The following NEDD4L variants were observed in gnomAD, a reference collection of about 807,000 sequenced individuals.
NEDD4L encodes NEDD4 like E3 ubiquitin protein ligase, also known as E3 ubiquitin-protein ligase NEDD4-like.
Under a neutral mutation model 148.9 loss-of-function variants are expected in NEDD4L, and 54 were observed. That is an observed-to-expected ratio of 0.36 (90% CI 0.29 to 0.45). The LOEUF (loss-of-function observed/expected upper bound fraction) is 0.45. NEDD4L is among the 20% of genes least tolerant of loss of function. The pLI is 1.00. For missense variants in NEDD4L, 856 were observed against 1,233.8 expected (o/e 0.69, Z 4.59); for synonymous variants, 433 against 440.7 (o/e 0.98, Z 0.22).
intron 1 of NEDD4L, among the ~76,000 whole-genome samples, chr18:58,084,718 A>G (rs2083666287): frequency 1.2e-5 from 1 of 80,440 alleles, no homozygotes. Context: ...TGTTTGAGAC[A>G]GGGTCTTCCT....
At chr18:58,065,521 A>T (rs1214916212) in intron 1 of NEDD4L, among the ~76,000 whole-genome samples, 1 of 152,236 alleles carries the variant, frequency 6.6e-6, no homozygotes, top group Non-Finnish European at 1.5e-5. Context: ...TGACAGTAAA[A>T]TAAGGAACGA....
chr18:58,279,036 T>C (rs1046058455), intron 5 of NEDD4L, among the ~76,000 whole-genome samples: 4 of 151,814 alleles, frequency 2.6e-5, no homozygotes, highest in Admixed American at 1.3e-4. Flanking sequence ...CACATCCAGC[T>C]AATTTTTTTT....
chr18:58,228,352 A>C (rs1230619187), intron 2 of NEDD4L, among the ~76,000 whole-genome samples: 2 of 152,348 alleles, frequency 1.3e-5, no homozygotes, highest in South Asian at 2.1e-4. Flanking sequence ...CGTTACGTGC[A>C]TGCCAGGTGG....
At chr18:58,094,339 C>T (rs1789421560) in intron 1 of NEDD4L, among the ~76,000 whole-genome samples, 1 of 151,926 alleles carries the variant, frequency 6.6e-6, no homozygotes, top group Admixed American at 6.6e-5. Flanking sequence ...CACATGCCAC[C>T]CCGCCTGGCT....
chr18:58,051,000 A>G (rs890574982), intron 1 of NEDD4L, among the ~76,000 whole-genome samples: 1 of 152,194 alleles, frequency 6.6e-6, no homozygotes, highest in African/African-American at 2.4e-5. Flanking sequence ...TTTCCCAAGA[A>G]AAGTGAATAA....
At chr18:58,140,599 C>A (rs1465090215) in intron 1 of NEDD4L, among the ~76,000 whole-genome samples, 2 of 152,204 alleles carry the variant, frequency 1.3e-5, no homozygotes, top group African/African-American at 2.4e-5. Context: ...GTGAAAATGC[C>A]AATCAGGTTG....
At chr18:58,389,908 A>G (rs947393017) in intron 28 of NEDD4L, among the ~76,000 whole-genome samples, 2 of 152,144 alleles carry the variant, frequency 1.3e-5, no homozygotes, top group Admixed American at 1.3e-4. Context: ...GGCTTAAGCA[A>G]TCCTCCTACC....
At position 58,330,638 on chromosome 18, in the gene NEDD4L, A is replaced by G. The variant is rs533152699; in HGVS notation, c.814-100A>G. ...GAGGCACTTAGTAGGTGTTAATTATAGTTATCACCGGGGCTATTGTTGTTA... is the reference window on the plus strand; with the variant it reads ...GAGGCACTTAGTAGGTGTTAATTATGGTTATCACCGGGGCTATTGTTGTTA... On this transcript the variant is annotated intron_variant, in intron 10 of 30. Transcript: ENST00000400345. The G allele has an allele frequency of 9.0e-6, 8 of 886,488 alleles. No individual in the cohort carries two copies. The South Asian group carries it at 2.2e-4, about 24-fold the overall frequency. The allele number at this position is 886,488 out of a possible 1,614,324, so 54.9% of individuals were successfully genotyped here.
chr18:58,224,628 G>A (rs1446132733), intron 2 of NEDD4L, among the ~76,000 whole-genome samples: 5 of 152,166 alleles, frequency 3.3e-5, no homozygotes, highest in Non-Finnish European at 7.4e-5. Flanking sequence ...TATTATATTT[G>A]TATAACTATT....
chr18:58,064,675 A>T (rs771993053), intron 1 of NEDD4L, among the ~76,000 whole-genome samples: 1 of 152,220 alleles, frequency 6.6e-6, no homozygotes, highest in Non-Finnish European at 1.5e-5. Flanking sequence ...ACAAGGGCCG[A>T]TTGAAGCCCC....
At chr18:58,253,182 C>T (rs990503395) in intron 5 of NEDD4L, among the ~76,000 whole-genome samples, 2 of 152,230 alleles carry the variant, frequency 1.3e-5, no homozygotes, top group South Asian at 2.1e-4. Context: ...ATTGGAGGAG[C>T]CTTATACAAT....
intron 18 of NEDD4L, among the ~76,000 whole-genome samples, chr18:58,352,855 A>T (rs535940133): frequency 7.4e-4 from 112 of 152,194 alleles, no homozygotes; most frequent in Non-Finnish European, 1.3e-3. Flanking sequence ...AGGTCCCCCT[A>T]AAAAGAATGT....
chr18:58,314,830 A>G (rs985406746), intron 5 of NEDD4L, among the ~76,000 whole-genome samples: 6 of 152,314 alleles, frequency 3.9e-5, no homozygotes, highest in African/African-American at 1.4e-4. Flanking sequence ...AATTTTTTCA[A>G]TTATCTAAAA....
chr18:58,113,464 AG>A (rs1177307324), intron 1 of NEDD4L, among the ~76,000 whole-genome samples: 2 of 152,222 alleles, frequency 1.3e-5, no homozygotes, highest in Non-Finnish European at 1.5e-5. Flanking sequence ...GGGTTGAGTC[AG>A]GAAGAACCTT....
intron 1 of NEDD4L, among the ~76,000 whole-genome samples, chr18:58,097,399 A>G (rs766188810): frequency 1.3e-5 from 2 of 151,316 alleles, no homozygotes; most frequent in Non-Finnish European, 2.9e-5. Flanking sequence ...AGAACCTAAA[A>G]CAAACACATG....
chr18:58,214,604 G>C (rs55702670), intron 2 of NEDD4L, among the ~76,000 whole-genome samples: 2 of 75,288 alleles, frequency 2.7e-5, no homozygotes, highest in African/African-American at 9.4e-5. Flanking sequence ...TTAGCTGCTC[G>C]GTTTGTGTGT....
chr18:58,266,738 A>C (rs1568519847), intron 5 of NEDD4L, among the ~76,000 whole-genome samples: 1 of 152,174 alleles, frequency 6.6e-6, no homozygotes, highest in African/African-American at 2.4e-5. Context: ...TGCTGGTGGC[A>C]GTATTCATGG....
In NEDD4L at chr18:58,396,836, A is replaced by G. The variant is rs954772335; in HGVS notation, c.*567A>G. ...GAATTGGAAGGCAAATTTTTGTCCA[A>G]AAACCTACAGACAAGTACTTTGAGA... On this transcript the variant is annotated 3_prime_UTR_variant, in exon 31 of 31. Coordinates refer to ENST00000400345, the MANE Select transcript of NEDD4L (RefSeq NM_001144967.3). 2 of 152,550 alleles carry G rather than the reference A, an allele frequency of 1.3e-5. No homozygotes were observed. The highest frequency in any genetic ancestry group is 6.5e-5 in the Admixed American group (1 of 15,280). The allele number at this position is 152,550 out of a possible 1,614,324, so 9.4% of individuals were successfully genotyped here. A position where few individuals can be genotyped will look rare whatever the true frequency, so the allele number is the denominator to read the frequency against.
At chr18:58,131,186 A>G (rs71355684) in intron 1 of NEDD4L, among the ~76,000 whole-genome samples, 9 of 97,904 alleles carry the variant, frequency 9.2e-5, no homozygotes, top group Admixed American at 1.2e-4. Flanking sequence ...CTTTGTTGGG[A>G]TTTGGTTGGT....
Sources: allele counts gnomAD v4.1 joint callset (sites outside exome capture counted in the v4.1 genomes callset), GRCh38; gene constraint gnomAD v4.1.1; transcripts MANE v1.5; gene names NCBI Gene and HGNC (gene_info 2026-07-23, HGNC 2026-07-21).